The following BCAP31 variants were observed in gnomAD, a reference collection of about 807,000 sequenced individuals.
BCAP31 encodes the protein B cell receptor associated protein 31.
For synonymous variants in BCAP31, 75 were observed against 80.9 expected (o/e 0.93, Z 0.39); for missense variants, 124 against 193.0 (o/e 0.64, Z 2.12).
chrX:153,709,520 T>TC (rs1218549407), intron 4 of BCAP31, among the ~76,000 whole-genome samples: 3 of 111,638 alleles, frequency 2.7e-5, no homozygotes, highest in African/African-American at 9.8e-5. Flanking sequence ...CCCAACACAC[T>TC]CCAAGACTCA....
chrX:153,702,450 A>G, intron 6 of BCAP31: 1 of 221,690 alleles, frequency 4.5e-6, no homozygotes, highest in Non-Finnish European at 8.1e-6. Context: ...AGACCCAATG[A>G]CAACCACGCC....
chrX:153,702,447 A>G (rs1157187766), intron 6 of BCAP31: 1 of 222,710 alleles, frequency 4.5e-6, no homozygotes, highest in Non-Finnish European at 8.0e-6. Context: ...GCGAGACCCA[A>G]TGACAACCAC....
At chrX:153,723,767 A>G (rs1247482984) in intron 1 of BCAP31, 1 of 984,997 alleles carries the variant, frequency 1.0e-6, no homozygotes, top group Non-Finnish European at 1.4e-6. Context: ...ACCTAGTCCA[A>G]GCGCTGCCGA....
At chrX:153,709,080 G>A (rs1436930421) in intron 4 of BCAP31, among the ~76,000 whole-genome samples, 6 of 112,137 alleles carry the variant, frequency 5.4e-5, no homozygotes, top group Admixed American at 9.4e-5. Context: ...ACACAGACCA[G>A]CTGGGTTTCT....
At position 153,723,764 on chromosome X, in the gene BCAP31, C is replaced by T. The variant is rs2091686393; in HGVS notation, c.-44-476G>A. The T allele has an allele frequency of 3.1e-5, 31 of 994,444 alleles. No individual in the cohort carries two copies. In the South Asian group the frequency reaches 7.2e-4, roughly 23 times the overall value. The allele number at this position is 994,444 out of a possible 1,213,427, so 82.0% of individuals were successfully genotyped here. A position where few individuals can be genotyped will look rare whatever the true frequency, so the allele number is the denominator to read the frequency against. On this transcript the variant is annotated intron_variant, in intron 1 of 7. Coordinates refer to ENST00000345046, the MANE Select transcript of BCAP31 (RefSeq NM_001256447.2). ...AGGCAGGCCCAAGGCCGCACCTAGTCCAAGCGCTGCCGACGCCCCCGCCTC... is the reference window on the plus strand; with the variant it reads ...AGGCAGGCCCAAGGCCGCACCTAGTTCAAGCGCTGCCGACGCCCCCGCCTC...
At chrX:153,723,026 C>A in intron 2 of BCAP31, 127 bp downstream of exon 2, 5 of 901,803 alleles carry the variant, frequency 5.5e-6, no homozygotes, top group African/African-American at 2.0e-5. Context: ...GCCACCCCCA[C>A]CCCAGACAGG....
At chrX:153,707,967 G>A (rs1214950837) in intron 4 of BCAP31, among the ~76,000 whole-genome samples, 2 of 112,938 alleles carry the variant, frequency 1.8e-5, no homozygotes, top group Non-Finnish European at 3.7e-5. Context: ...AGTCTTACCC[G>A]AATCACTGTT....
chrX:153,723,198 A>C lies in BCAP31; in HGVS notation c.47T>G (p.Val16Gly), dbSNP rs934039876. 2 of 1,209,040 alleles carry C rather than the reference A, an allele frequency of 1.7e-6. No homozygotes were observed. The highest frequency in any genetic ancestry group is 2.2e-6 in the Non-Finnish European group (2 of 894,472). ...AATGCAGAGAAGCAACACAACAAAG[A>C]CCTCCGCATAGAGGAAGGTGGCAAC... The part of the protein sequence containing the change: ...TAVATFLYAE[V>G]FVVLLLCIPF... The change falls in exon 2 of 8, where the codon GTC (valine) becomes GGC (glycine). Residue 16 changes from valine (V) to glycine (G), a missense_variant. Transcript: ENST00000345046.
chrX:153,709,244 C>A (rs1347474967), intron 4 of BCAP31, among the ~76,000 whole-genome samples: 2 of 111,906 alleles, frequency 1.8e-5, no homozygotes, highest in East Asian at 5.6e-4. Flanking sequence ...AGCAGCTCAG[C>A]AGAGAAGCAC....
At chrX:153,724,156 G>C (rs1228688278) in intron 1 of BCAP31, 178 bp downstream of exon 1, 1 of 247,443 alleles carries the variant, frequency 4.0e-6, no homozygotes, top group Non-Finnish European at 7.5e-6. Context: ...CCCGAGACCA[G>C]CTTCTAGAGG....
At chrX:153,701,469 G>A (rs1557047320) in intron 7 of BCAP31, among the ~76,000 whole-genome samples, 1 of 112,801 alleles carries the variant, frequency 8.9e-6, no homozygotes, top group African/African-American at 3.2e-5. Context: ...TATTTATGTG[G>A]CCCTCACTCC....
At chrX:153,711,888 CAG>C (rs1467171670) in intron 4 of BCAP31, among the ~76,000 whole-genome samples, 3 of 76,045 alleles carry the variant, frequency 3.9e-5, no homozygotes, top group Non-Finnish European at 7.1e-5. Flanking sequence ...CTCAGCGACA[CAG>C]AGAGACTCTG....
chrX:153,719,647 A>C (rs782032810), intron 3 of BCAP31, among the ~76,000 whole-genome samples: 7 of 111,111 alleles, frequency 6.3e-5, no homozygotes, highest in Admixed American at 1.9e-4. Context: ...ACTCGGTGGG[A>C]GGAGTGTTCC....
intron 3 of BCAP31, among the ~76,000 whole-genome samples, chrX:153,716,371 T>TCTCA: frequency 9.2e-6 from 1 of 108,625 alleles, no homozygotes; most frequent in South Asian, 4.0e-4. Context: ...AGTTGGCCCA[T>TCTCA]AGCCCCCCAA....
chrX:153,713,125 T>A (rs1007220890), intron 4 of BCAP31, among the ~76,000 whole-genome samples: 3 of 110,967 alleles, frequency 2.7e-5, no homozygotes, highest in Non-Finnish European at 3.8e-5. Context: ...GAGAATGGCG[T>A]GAACCCGGGA....
At chrX:153,721,497 C>CTT (rs782160789) in intron 2 of BCAP31, among the ~76,000 whole-genome samples, 9 of 86,368 alleles carry the variant, frequency 1.0e-4, no homozygotes, top group African/African-American at 1.2e-4. Context: ...GAAAACTAAT[C>CTT]TTTTTTTTTT....
rs192260699 is a variant in BCAP31 at position 153,709,543 on chromosome X, G to A, written c.342-5449C>T. On this transcript the variant is annotated intron_variant, in intron 4 of 7. Transcript: ENST00000345046. Reference sequence around the variant, plus strand: ...ACTCCAAGACTCAAGAGGGCCTCTCGCTAGCTGTGCCCCCGAAGTGCAAGG... The same window carrying A: ...ACTCCAAGACTCAAGAGGGCCTCTCACTAGCTGTGCCCCCGAAGTGCAAGG... Among the ~76,000 whole-genome samples the A allele has an allele frequency of 2.2e-4, 25 of 112,561 alleles. No homozygotes were observed. In the East Asian group the frequency reaches 5.6e-3, roughly 25 times the overall value.
At chrX:153,721,015 A>G (rs1557050937) in intron 2 of BCAP31, 43 bp from the exon 3 acceptor site, 1 of 1,126,775 alleles carries the variant, frequency 8.9e-7, no homozygotes, top group Admixed American at 2.2e-5. Context: ...GAGAAAGCAC[A>G]CACACGAGCT....
At chrX:153,708,357 G>A (rs1481703314) in intron 4 of BCAP31, among the ~76,000 whole-genome samples, 3 of 112,600 alleles carry the variant, frequency 2.7e-5, no homozygotes, top group Admixed American at 9.3e-5. Context: ...AAGGGGAAGA[G>A]GACACGGGCT....
Sources: allele counts gnomAD v4.1 joint callset (sites outside exome capture counted in the v4.1 genomes callset), GRCh38; gene constraint gnomAD v4.1.1; transcripts MANE v1.5; gene names NCBI Gene and HGNC (gene_info 2026-07-23, HGNC 2026-07-21).